Variants in PACSIN2 observed in about 807,000 individuals in gnomAD.
PACSIN2 encodes the protein protein kinase C and casein kinase substrate in neurons 2, also known as protein kinase C and casein kinase substrate in neurons protein 2.
PACSIN2 carries 25 observed loss-of-function variants against 63.8 expected under a neutral mutation model. That is an observed-to-expected ratio of 0.39 (90% CI 0.29 to 0.55). The LOEUF (loss-of-function observed/expected upper bound fraction) is 0.55, where lower values mean the gene tolerates loss of function less well. Among genes scored for constraint, PACSIN2 ranks in the 20% least tolerant of loss-of-function variants. PACSIN2 has a pLI of 0.62. For missense variants in PACSIN2, 518 were observed against 646.9 expected (o/e 0.80, Z 2.16); for synonymous variants, 255 against 256.2 (o/e 1.00, Z 0.05).
chr22:42,983,364 C>T (rs1472740739), intron 1 of PACSIN2, among the ~76,000 whole-genome samples: 1 of 146,216 alleles, frequency 6.8e-6, no homozygotes, highest in African/African-American at 2.6e-5. Flanking sequence ...GTGGCACACA[C>T]TTCTAATCCC....
rs181979441 is a variant in PACSIN2, at chr22:42,881,685, G to A, written c.906+499C>T. Among the ~76,000 whole-genome samples, 12 of 152,360 alleles carry A rather than the reference G, an allele frequency of 7.9e-5. No homozygotes were observed. The East Asian group carries it at 2.1e-3, about 27-fold the overall frequency. On this transcript the variant is annotated intron_variant, in intron 7 of 10. Coordinates refer to ENST00000263246, the MANE Select transcript of PACSIN2 (RefSeq NM_001184970.3). ...TTAGACCCACATGATGGGAAAAGAA[G>A]AACATTCATTTTGAATCAGGATTCA...
rs545243743 is a variant in PACSIN2, at chr22:42,878,005, G to A, written c.1029-995C>T. ...CCTCATCCACTTCAGCCTGGCAAGT[G>A]GTACTTGACCTAGGCCTGCTGGAGG... On this transcript the variant is annotated intron_variant, in intron 8 of 10. Coordinates refer to ENST00000263246, the MANE Select transcript of PACSIN2 (RefSeq NM_001184970.3). Among the ~76,000 whole-genome samples, 4 of 152,328 alleles carry A rather than the reference G, an allele frequency of 2.6e-5. No individual in the cohort carries two copies. In the East Asian group the frequency reaches 5.8e-4, roughly 22 times the overall value.
At chr22:42,896,490 T>C (rs1351126206) in intron 2 of PACSIN2, among the ~76,000 whole-genome samples, 5 of 152,128 alleles carry the variant, frequency 3.3e-5, no homozygotes, top group Non-Finnish European at 4.4e-5. Flanking sequence ...TAGTATTCGA[T>C]TGGGTAGTTA....
chr22:43,015,149 T>TGCCGCCAGCCGCGACCGCACC (rs1924811686), upstream of PACSIN2: 1 of 152,338 alleles, frequency 6.6e-6, no homozygotes, highest in South Asian at 2.1e-4. Context: ...CGGCCGCTTC[T>TGCCGCCAGCCGCGACCGCACC]GCCGCCAGCC....
chr22:42,874,564 G>GA (rs1928439028), intron 10 of PACSIN2, among the ~76,000 whole-genome samples: 1 of 152,224 alleles, frequency 6.6e-6, no homozygotes, highest in South Asian at 2.1e-4. Flanking sequence ...TGGCCCAGGG[G>GA]CATGCCAAGT....
At chr22:42,884,908 A>G (rs1929362291) in intron 5 of PACSIN2, among the ~76,000 whole-genome samples, 1 of 152,202 alleles carries the variant, frequency 6.6e-6, no homozygotes, top group Non-Finnish European at 1.5e-5. Flanking sequence ...CAAGCCTCAG[A>G]TCTGGCCCAC....
At chr22:42,946,403 G>T (rs768035062) in intron 1 of PACSIN2, among the ~76,000 whole-genome samples, 8 of 152,172 alleles carry the variant, frequency 5.3e-5, no homozygotes, top group Non-Finnish European at 1.2e-4. Context: ...ATTGGCCTCT[G>T]AGCCTGGCGA....
chr22:42,893,805 T>A (rs1259701938), intron 2 of PACSIN2, among the ~76,000 whole-genome samples, 192 bp from the exon 3 acceptor site: 1 of 152,174 alleles, frequency 6.6e-6, no homozygotes, highest in Non-Finnish European at 1.5e-5. Flanking sequence ...ATTAATAAGA[T>A]CATACACATC....
In PACSIN2 at chr22:42,888,657, G is replaced by C. The variant is rs1929667326; in HGVS notation, c.595C>G (p.Gln199Glu). The change falls in exon 5 of 11, where the codon CAA (glutamine) becomes GAA (glutamate). Residue 199 changes from glutamine (Q) to glutamate (E), a missense_variant. This residue lies in a region of PACSIN2 where 507 missense variants were observed against 612.3 expected (regional missense o/e 0.83). Transcript: ENST00000263246. Reference protein sequence around the residue: ...KLQDKIEKCKQDVLKTKEKYE... With the variant: ...KLQDKIEKCKEDVLKTKEKYE... ...GTACAGTTTACCTTAAGAACATCTT[G>C]CTTGCACTTTTCTATTTTGTCTTGC... The C allele has an allele frequency of 1.2e-6, 2 of 1,614,106 alleles. No individual in the cohort carries two copies. Among genetic ancestry groups the C allele is most frequent in the Non-Finnish European group, 1.7e-6 (2 of 1,180,028 alleles).
intron 1 of PACSIN2, among the ~76,000 whole-genome samples, chr22:42,944,202 C>T (rs1207612552): frequency 2.0e-5 from 3 of 152,192 alleles, no homozygotes; most frequent in Non-Finnish European, 4.4e-5. Context: ...GCCTGAGGGA[C>T]TCTGTGGAAC....
At chr22:42,981,580 G>T (rs1922138455) in intron 1 of PACSIN2, among the ~76,000 whole-genome samples, 1 of 123,642 alleles carries the variant, frequency 8.1e-6, no homozygotes, top group Admixed American at 7.7e-5. Context: ...GGGCGCCTCT[G>T]CCCGGCTGCC....
intron 1 of PACSIN2, among the ~76,000 whole-genome samples, chr22:43,005,888 T>C (rs1300904349): frequency 1.3e-5 from 2 of 152,090 alleles, no homozygotes; most frequent in Non-Finnish European, 2.9e-5. Flanking sequence ...TTTGATGGCA[T>C]TAGGAAGTAG....
At chr22:42,987,652 G>A (rs1319795181) in intron 1 of PACSIN2, among the ~76,000 whole-genome samples, 1 of 146,788 alleles carries the variant, frequency 6.8e-6, no homozygotes, top group Non-Finnish European at 1.5e-5. Flanking sequence ...CTGCCTCAGC[G>A]TCCCAAGTAG....
chr22:42,968,161 C>T (rs370772133), intron 1 of PACSIN2, among the ~76,000 whole-genome samples: 103 of 152,258 alleles, frequency 6.8e-4, no homozygotes, highest in Middle Eastern at 6.8e-3. Flanking sequence ...GTGTCCTGGA[C>T]CTCCACAAAC....
intron 1 of PACSIN2, among the ~76,000 whole-genome samples, chr22:42,998,174 A>G (rs1291297664): frequency 6.6e-6 from 1 of 152,212 alleles, no homozygotes; most frequent in African/African-American, 2.4e-5. Flanking sequence ...ATGAATAAAA[A>G]CAGAAAGTCT....
At chr22:42,893,639 C>T (rs1178269022) in intron 2 of PACSIN2, 26 bp from the exon 3 acceptor site, 17 of 1,605,268 alleles carry the variant, frequency 1.1e-5, no homozygotes, top group African/African-American at 1.3e-5. Context: ...AGCTGGGAGG[C>T]AGGGGGCTTG....
chr22:42,970,581 A>G (rs1220928879), intron 1 of PACSIN2, among the ~76,000 whole-genome samples: 1 of 152,258 alleles, frequency 6.6e-6, no homozygotes, highest in Non-Finnish European at 1.5e-5. Flanking sequence ...GAATTCTTGT[A>G]AAATAAAAAG....
chr22:43,014,625 C>A (rs910768878), intron 1 of PACSIN2, among the ~76,000 whole-genome samples: 1 of 152,000 alleles, frequency 6.6e-6, no homozygotes, highest in Non-Finnish European at 1.5e-5. Flanking sequence ...CCCAGCTCCC[C>A]CTTCTGCAGC....
intron 4 of PACSIN2, among the ~76,000 whole-genome samples, chr22:42,890,205 T>C (rs1929804506): frequency 6.6e-6 from 1 of 152,026 alleles, no homozygotes; most frequent in South Asian, 2.1e-4. Flanking sequence ...TTTCATCATG[T>C]TGGCCAGGAT....
Sources: gnomAD v4.1 joint callset for allele counts (sites outside exome capture counted in the v4.1 genomes callset) on GRCh38, gnomAD v4.1.1 for gene constraint, gnomAD v4.1.1 regional missense constraint, MANE v1.5 for transcripts, NCBI Gene and HGNC (gene_info 2026-07-23, HGNC 2026-07-21) for gene names.